The following C17orf78 variants were observed in gnomAD, a reference collection of about 807,000 sequenced individuals.
C17orf78 encodes the protein chromosome 17 open reading frame 78.
A neutral mutation model predicts 31.8 loss-of-function variants in C17orf78; 27 were observed. The ratio of observed to expected loss-of-function variants is 0.85; its 90% CI spans 0.63 to 1.17. The LOEUF (loss-of-function observed/expected upper bound fraction) is 1.17, where lower values mean the gene tolerates loss of function less well. Ranked by LOEUF, C17orf78 falls within the 50% of genes most tolerant of loss-of-function variation. The pLI, the probability that C17orf78 is intolerant of heterozygous loss-of-function variation, is 0.00. For synonymous variants in C17orf78, 106 were observed against 115.1 expected (o/e 0.92, Z 0.51); for missense variants, 258 against 315.2 (o/e 0.82, Z 1.37).
chr17:37,387,317 A>G (rs1247399658), intron 4 of C17orf78: 1 of 150,376 alleles, frequency 6.6e-6, no homozygotes, highest in Non-Finnish European at 1.5e-5. Flanking sequence ...ACAGGGTTTC[A>G]CTATGTTTGC....
At position 37,391,884 on chromosome 17, in the gene C17orf78, T is replaced by C; in HGVS notation, c.*160T>C. 1.5e-6 allele frequency: 1 copy of C among 678,700 alleles called. No individual in the cohort carries two copies. The allele number at this position is 678,700 out of a possible 1,614,324, so 42.0% of individuals were successfully genotyped here. On this transcript the variant is annotated 3_prime_UTR_variant, in exon 7 of 7. Transcript: ENST00000615133. Reference sequence around the variant, plus strand: ...AAGGGAGAGTGTGGGCTTAGCAGAGTTACCCTCATGCCCCTATCTGAGCCA... The same window carrying C: ...AAGGGAGAGTGTGGGCTTAGCAGAGCTACCCTCATGCCCCTATCTGAGCCA...
chr17:37,376,776 G>A (rs1395384883), intron 1 of C17orf78, among the ~76,000 whole-genome samples: 2 of 152,032 alleles, frequency 1.3e-5, no homozygotes, highest in African/African-American at 2.4e-5. Context: ...CCAACATGGC[G>A]AAACCCCATC....
chr17:37,388,372 T>A (rs2147786224), intron 4 of C17orf78, among the ~76,000 whole-genome samples: 1 of 152,250 alleles, frequency 6.6e-6, no homozygotes, highest in South Asian at 2.1e-4. Flanking sequence ...ACCCGAGATT[T>A]TTCTTCCTGC....
At chr17:37,377,592 G>T (rs934258150) in intron 1 of C17orf78, among the ~76,000 whole-genome samples, 4 of 151,918 alleles carry the variant, frequency 2.6e-5, no homozygotes, top group Non-Finnish European at 4.4e-5. Context: ...CCCAGGAGGT[G>T]AATGTTGCAA....
chr17:37,388,543 C>A, intron 4 of C17orf78, 127 bp from the exon 5 acceptor site: 1 of 1,115,794 alleles, frequency 9.0e-7, no homozygotes, highest in Non-Finnish European at 1.3e-6. Context: ...GAAATTCTGC[C>A]TCTGCCTCTG....
chr17:37,385,124 TCTACC>T, intron 3 of C17orf78, among the ~76,000 whole-genome samples: 1 of 152,068 alleles, frequency 6.6e-6, no homozygotes, highest in Non-Finnish European at 1.5e-5. Flanking sequence ...TTACCCTCCT[TCTACC>T]CTTGCCCACC....
At chr17:37,383,367 A>G (rs1487423850) in intron 3 of C17orf78, among the ~76,000 whole-genome samples, 1 of 152,180 alleles carries the variant, frequency 6.6e-6, no homozygotes, top group African/African-American at 2.4e-5. Context: ...CTCCCAGAGA[A>G]AAAGAAACTC....
Position 37,392,294 on chromosome 17 carries a change from C to T in C17orf78, c.*570C>T, listed in dbSNP as rs1179695506. 3 of 152,824 alleles carry T rather than the reference C, an allele frequency of 2.0e-5. No individual in the cohort carries two copies. Among genetic ancestry groups the T allele is most frequent in the African/African-American group, 2.4e-5 (1 of 41,450 alleles). 9.5% of individuals were successfully genotyped at this position (152,824 alleles called of 1,614,324 possible). On this transcript the variant is annotated 3_prime_UTR_variant, in exon 7 of 7. Coordinates refer to ENST00000615133, the MANE Select transcript of C17orf78 (RefSeq NM_173625.5). ...AAGTTATCCCCAAGGGGTTCAGGGACTACAGACCATTAGTACCCAAGTGAA... is the reference window on the plus strand; with the variant it reads ...AAGTTATCCCCAAGGGGTTCAGGGATTACAGACCATTAGTACCCAAGTGAA...
Position 37,388,715 on chromosome 17 carries a change from T to A in C17orf78, c.554T>A (p.Val185Asp). 2.5e-6 allele frequency: 4 copies of A among 1,612,238 alleles called. No homozygotes were observed. Among genetic ancestry groups the A allele is most frequent in the Non-Finnish European group, 3.4e-6 (4 of 1,178,676 alleles). Residue 185 changes from valine to aspartate, a missense_variant, in exon 5 of 7, where the codon GTC (valine) becomes GAC (aspartate). Coordinates refer to ENST00000615133, the MANE Select transcript of C17orf78 (RefSeq NM_173625.5). ...LEKRQKWSIV[V>D]KILIAVTLLL... ...AAGAGACAGAAATGGAGTATTGTGG[T>A]CAAAATTCTGATTGCTGTCACCCTG...
intron 4 of C17orf78, chr17:37,387,295 T>C (rs1382287671): frequency 2.0e-5 from 3 of 151,628 alleles, no homozygotes; most frequent in Non-Finnish European, 4.4e-5. Context: ...AATTTTTGTA[T>C]TTTTAGCAGA....
intron 3 of C17orf78, among the ~76,000 whole-genome samples, chr17:37,381,758 G>A (rs1422504170): frequency 6.6e-6 from 1 of 151,344 alleles, no homozygotes; most frequent in Admixed American, 6.6e-5. Context: ...CTCCCGAGTA[G>A]CTGGGACTAC....
intron 3 of C17orf78, among the ~76,000 whole-genome samples, chr17:37,381,817 T>G (rs11657660): frequency 9.9e-5 from 15 of 150,804 alleles, no homozygotes; most frequent in African/African-American, 2.0e-4. Flanking sequence ...TTGGTAGAGA[T>G]GGGGTTTCAC....
intron 4 of C17orf78, chr17:37,386,924 C>G (rs1337669747): frequency 8.4e-6 from 1 of 119,440 alleles, no homozygotes; most frequent in Non-Finnish European, 2.0e-5. Flanking sequence ...CTCAAGTGAT[C>G]CCCCCACCTC....
chr17:37,391,764 A>T lies in C17orf78; in HGVS notation c.*40A>T. ...TCTCAAAGACTGAATGATACTACAC[A>T]GTCCTCTCCCTATTAATATGGGCAC... is the stretch of plus-strand genomic sequence containing the variant. On this transcript the variant is annotated 3_prime_UTR_variant, in exon 7 of 7. Coordinates refer to ENST00000615133, the MANE Select transcript of C17orf78 (RefSeq NM_173625.5). 1 of 1,542,606 alleles carries T rather than the reference A, an allele frequency of 6.5e-7. No homozygotes were observed. The highest frequency in any genetic ancestry group is 9.0e-7 in the Non-Finnish European group (1 of 1,116,750).
At chr17:37,384,031 C>G (rs1346031129) in intron 3 of C17orf78, among the ~76,000 whole-genome samples, 1 of 152,008 alleles carries the variant, frequency 6.6e-6, no homozygotes. Context: ...TTTGGGAGCC[C>G]GAGGCGGGCA....
intron 2 of C17orf78, among the ~76,000 whole-genome samples, chr17:37,378,385 A>C (rs1171673818): frequency 3.9e-5 from 6 of 152,346 alleles, no homozygotes; most frequent in African/African-American, 1.4e-4. Context: ...GGGGTCATGA[A>C]TGGAAATGGG....
chr17:37,379,472 A>C, intron 3 of C17orf78, 90 bp downstream of exon 3: 1 of 1,443,648 alleles, frequency 6.9e-7, no homozygotes, highest in East Asian at 2.3e-5. Context: ...AAAAGCTACA[A>C]GAAAATGAAT....
intron 6 of C17orf78, among the ~76,000 whole-genome samples, chr17:37,390,330 A>ATATATATATATATCTATATCTATATATC (rs1386032855): frequency 1.4e-4 from 6 of 41,582 alleles, no homozygotes; most frequent in African/African-American, 6.4e-4. Context: ...ATATATATAT[A>ATATATATATATATCTATATCTATATATC]TATAAAAGGC....
chr17:37,376,551 A>G (rs2050010984), intron 1 of C17orf78, among the ~76,000 whole-genome samples: 2 of 151,988 alleles, frequency 1.3e-5, no homozygotes, highest in African/African-American at 4.8e-5. Flanking sequence ...GGGTGGGGAG[A>G]GCTGAGGGAA....
Sources: gnomAD v4.1 joint callset for allele counts (sites outside exome capture counted in the v4.1 genomes callset) on GRCh38, gnomAD v4.1.1 for gene constraint, MANE v1.5 for transcripts, NCBI Gene and HGNC (gene_info 2026-07-23, HGNC 2026-07-21) for gene names.